Variants in WWC1 observed in about 807,000 individuals in gnomAD.
WWC1 encodes the protein protein KIBRA.
WWC1 carries 55 observed loss-of-function variants against 138.4 expected under a neutral mutation model. The observed-to-expected ratio is 0.40, with a 90% CI of 0.32 to 0.50. The LOEUF is 0.50. Among genes scored for constraint, WWC1 ranks in the 20% least tolerant of loss-of-function variants. The pLI is 0.72. For synonymous variants in WWC1, 524 were observed against 564.9 expected (o/e 0.93, Z 1.03); for missense variants, 1,226 against 1,420.4 (o/e 0.86, Z 2.20).
At chr5:168,385,093 A>G (rs1288711164) in intron 2 of WWC1, 118 bp from the exon 3 acceptor site, 2 of 981,056 alleles carry the variant, frequency 2.0e-6, no homozygotes, top group South Asian at 3.3e-5. Flanking sequence ...CCCCACTTAC[A>G]TTTATTGTGA....
chr5:168,430,280 G>T, intron 14 of WWC1, 57 bp downstream of exon 14: 1 of 1,478,200 alleles, frequency 6.8e-7, no homozygotes, highest in Non-Finnish European at 9.3e-7. Context: ...AGTTACCCCT[G>T]GGGGTCACTT....
chr5:168,360,996 G>A (rs1775838998), intron 1 of WWC1, among the ~76,000 whole-genome samples: 1 of 152,210 alleles, frequency 6.6e-6, no homozygotes, highest in Non-Finnish European at 1.5e-5. Flanking sequence ...GCTGGGAGTT[G>A]AGTGTCCCCA....
At chr5:168,462,986 C>A (rs1756950498) in intron 20 of WWC1, among the ~76,000 whole-genome samples, 1 of 152,228 alleles carries the variant, frequency 6.6e-6, no homozygotes, top group South Asian at 2.1e-4. Flanking sequence ...TCTAGAAATT[C>A]TTCCTAGAGC....
intron 3 of WWC1, among the ~76,000 whole-genome samples, chr5:168,386,631 G>A (rs954306683): frequency 4.0e-5 from 6 of 151,572 alleles, no homozygotes; most frequent in African/African-American, 1.2e-4. Context: ...TCCTGTCCTC[G>A]TGATGCGCCT....
intron 1 of WWC1, among the ~76,000 whole-genome samples, chr5:168,301,965 G>A (rs190604644): frequency 9.1e-4 from 139 of 152,234 alleles, no homozygotes; most frequent in African/African-American, 2.1e-3. Flanking sequence ...ATATGAATCA[G>A]TAAACTCCCC....
At chr5:168,304,356 A>C (rs1160423468) in intron 1 of WWC1, among the ~76,000 whole-genome samples, 1 of 152,230 alleles carries the variant, frequency 6.6e-6, no homozygotes, top group African/African-American at 2.4e-5. Flanking sequence ...AGGAATATTA[A>C]GAAGTGTCTT....
Position 168,469,079 on chromosome 5 carries a change from G to A in WWC1, c.*62G>A. ...GCTGTGAACATTGACTGTGGCTAAA[G>A]TTATTTATGTGGTGTTATATGAAGG... On this transcript the variant is annotated 3_prime_UTR_variant, in exon 23 of 23. Coordinates refer to ENST00000265293, the MANE Select transcript of WWC1 (RefSeq NM_015238.3). 6.3e-7 allele frequency: 1 copy of A among 1,598,614 alleles called. No homozygotes were observed. The highest frequency in any genetic ancestry group is 1.1e-5 in the South Asian group (1 of 90,660).
At chr5:168,334,321 G>A (rs72828869) in intron 1 of WWC1, among the ~76,000 whole-genome samples, 19,138 of 151,968 alleles carry the variant, frequency 0.13, 1,407 homozygotes, top group Non-Finnish European at 0.15. Context: ...TTGCCTCTCC[G>A]GCCCCATCCT....
At chr5:168,301,756 A>G (rs1336332185) in intron 1 of WWC1, among the ~76,000 whole-genome samples, 1 of 152,122 alleles carries the variant, frequency 6.6e-6, no homozygotes, top group African/African-American at 2.4e-5. Context: ...CATCCAACAT[A>G]GAAAGTCTTA....
chr5:168,336,399 C>A (rs1031023580), intron 1 of WWC1, among the ~76,000 whole-genome samples: 1 of 151,860 alleles, frequency 6.6e-6, no homozygotes, highest in Non-Finnish European at 1.5e-5. Flanking sequence ...GGTGAAACCC[C>A]GTCTCTACTA....
chr5:168,449,498 T>C (rs904967491), intron 17 of WWC1, among the ~76,000 whole-genome samples: 1 of 151,694 alleles, frequency 6.6e-6, no homozygotes, highest in Non-Finnish European at 1.5e-5. Flanking sequence ...TAAATACTGG[T>C]CAATGTGGCT....
chr5:168,314,033 G>A (rs1771352841), intron 1 of WWC1, among the ~76,000 whole-genome samples: 1 of 152,170 alleles, frequency 6.6e-6, no homozygotes, highest in Admixed American at 6.5e-5. Flanking sequence ...GGCTATGCAG[G>A]AGGTCACCAG....
In WWC1 at chr5:168,471,905, C is replaced by T. The variant is rs1757685117; in HGVS notation, c.*2888C>T. The T allele has an allele frequency of 6.6e-6, 1 of 152,242 alleles. No individual in the cohort carries two copies. The highest frequency in any genetic ancestry group is 2.4e-5 in the African/African-American group (1 of 41,444). 9.4% of individuals were successfully genotyped at this position (152,242 alleles called of 1,614,324 possible). A position where few individuals can be genotyped will look rare whatever the true frequency, so the allele number is the denominator to read the frequency against. ...AAAGGCAGCAGCATCCTCACTGTATCTGCAGTCCATTTGGACTCAATAAAA... is the reference window on the plus strand; with the variant it reads ...AAAGGCAGCAGCATCCTCACTGTATTTGCAGTCCATTTGGACTCAATAAAA... On this transcript the variant is annotated 3_prime_UTR_variant, in exon 23 of 23. Transcript: ENST00000265293.
At chr5:168,458,813 C>T (rs6879902) in intron 19 of WWC1, among the ~76,000 whole-genome samples, 3,072 of 152,290 alleles carry the variant, frequency 0.02, 98 homozygotes, top group African/African-American at 0.071. Context: ...AAGCTAAATT[C>T]AAGGACTTAA....
In WWC1 at chr5:168,340,017, TCTTTCTTTC is replaced by T. The variant is rs201670031; in HGVS notation, c.120-31389_120-31381del. 8.0e-3 allele frequency among the ~76,000 whole-genome samples: 1,136 copies of T among 141,148 alleles called. 9 individuals are homozygous for T. Among genetic ancestry groups the T allele is most frequent in the East Asian group, 0.037 (183 of 4,972 alleles). 92.6% of individuals were successfully genotyped at this position (141,148 alleles called of 152,430 possible). On this transcript the variant is annotated intron_variant, in intron 1 of 22. Coordinates refer to ENST00000265293, the MANE Select transcript of WWC1 (RefSeq NM_015238.3). ...TCTCTCTTTCTCTCTTTCTTTCTTT[TCTTTCTTTC>T]CTTTCTTTCCTTTCTTTTCTTTCTT...
At chr5:168,445,701 C>CA (rs763044458) in intron 17 of WWC1, among the ~76,000 whole-genome samples, 3,962 of 49,802 alleles carry the variant, frequency 0.08, 226 homozygotes, top group East Asian at 0.16. Flanking sequence ...GACTCTGTCT[C>CA]AAAAAAAAAA....
chr5:168,430,382 A>G (rs894555290), intron 14 of WWC1, among the ~76,000 whole-genome samples, 159 bp downstream of exon 14: 1 of 152,152 alleles, frequency 6.6e-6, no homozygotes, highest in African/African-American at 2.4e-5. Context: ...GGTGCTGTGC[A>G]TGTGAATACA....
rs775876266 is a variant in WWC1, at chr5:168,414,484, C to T, written c.1078C>T (p.Arg360Cys). 21 of 1,562,200 alleles carry T rather than the reference C, an allele frequency of 1.3e-5. No homozygotes were observed. Among genetic ancestry groups the T allele is most frequent in the Admixed American group, 1.2e-4 (6 of 52,044 alleles). Residue 360 changes from arginine (R) to cysteine (C), a missense_variant, in exon 9 of 23, where the codon CGC (arginine) becomes TGC (cysteine). Arg to Cys is a radical substitution (Grantham distance 180). Transcript: ENST00000265293. ...GAAGGAGATGCGCTTCATCAGCCCC[C>T]GCAAGTGGACCCAGGGGGAGGTGGA... Reference protein sequence around the residue: ...LLKEMRFISPRKWTQGEVEQL... With the variant: ...LLKEMRFISPCKWTQGEVEQL...
At chr5:168,425,939 T>C (rs2152855398) in intron 11 of WWC1, among the ~76,000 whole-genome samples, 1 of 152,300 alleles carries the variant, frequency 6.6e-6, no homozygotes, top group South Asian at 2.1e-4. Flanking sequence ...CTGTTATCCA[T>C]GTGCTGAGTT....
Sources: gnomAD v4.1 joint callset for allele counts (sites outside exome capture counted in the v4.1 genomes callset) on GRCh38, gnomAD v4.1.1 for gene constraint, MANE v1.5 for transcripts, NCBI Gene and HGNC (gene_info 2026-07-23, HGNC 2026-07-21) for gene names.